COP1: variants seen among roughly 807,000 people sequenced by gnomAD.
COP1 encodes E3 ubiquitin-protein ligase COP1.
A neutral mutation model predicts 101.3 loss-of-function variants in COP1; 24 were observed. The observed-to-expected ratio is 0.24, with a 90% CI of 0.17 to 0.33. The LOEUF (loss-of-function observed/expected upper bound fraction) is 0.33. Among genes scored for constraint, COP1 ranks in the 10% least tolerant of loss-of-function variants. The pLI, the probability that COP1 is intolerant of heterozygous loss-of-function variation, is 1.00. For missense variants in COP1, 663 were observed against 906.2 expected (o/e 0.73, Z 3.45); for synonymous variants, 347 against 341.9 (o/e 1.01, Z -0.17).
chr1:176,035,710 C>CAAAAAAAAAAAAAAAAAAAAAAAGAAAA (rs71129541), intron 14 of COP1, among the ~76,000 whole-genome samples: 2 of 73,102 alleles, frequency 2.7e-5, no homozygotes, highest in African/African-American at 7.0e-5. Flanking sequence ...AAAACGAGAC[C>CAAAAAAAAAAAAAAAAAAAAAAAGAAAA]AAAAAAAAAA....
intron 5 of COP1, among the ~76,000 whole-genome samples, chr1:176,152,097 C>G (rs1692700403): frequency 6.6e-6 from 1 of 151,940 alleles, no homozygotes; most frequent in Admixed American, 6.6e-5. Flanking sequence ...TCAAGACCAG[C>G]CTGGGCAACA....
intron 15 of COP1, among the ~76,000 whole-genome samples, chr1:176,002,699 T>C (rs1662012812): frequency 6.7e-6 from 1 of 149,326 alleles, no homozygotes; most frequent in African/African-American, 2.5e-5. Flanking sequence ...TCATTTTTTA[T>C]GGCTGCATAG....
chr1:176,106,782 C>A (rs573894987), intron 9 of COP1, among the ~76,000 whole-genome samples: 1 of 152,320 alleles, frequency 6.6e-6, no homozygotes, highest in African/African-American at 2.4e-5. Flanking sequence ...AGCGGCTCTG[C>A]ATGAATTACT....
At chr1:175,950,398 A>G (rs986945322) in intron 18 of COP1, among the ~76,000 whole-genome samples, 1 of 152,200 alleles carries the variant, frequency 6.6e-6, no homozygotes, top group African/African-American at 2.4e-5. Context: ...GGCTTAAGAT[A>G]AATTATTTTT....
intron 14 of COP1, among the ~76,000 whole-genome samples, chr1:176,042,745 A>G (rs1008340010): frequency 8.0e-5 from 12 of 149,324 alleles, no homozygotes; most frequent in Non-Finnish European, 1.6e-4. Flanking sequence ...AAAAAAAAAA[A>G]AAAAAAAAGT....
In COP1 at chr1:175,987,110, A is replaced by G; in HGVS notation, c.1973-7T>C. ...AGAGAGTTATTTTCACTTCCTGAAA[A>G]CAAATAATAATAATAGTATTTTAGA... On this transcript the variant is annotated splice_polypyrimidine_tract_variant and splice_region_variant and intron_variant, in intron 17 of 19. Transcript: ENST00000367669. 7.4e-7 allele frequency: 1 copy of G among 1,357,178 alleles called. No individual in the cohort carries two copies. The allele number at this position is 1,357,178 out of a possible 1,614,324, so 84.1% of individuals were successfully genotyped here.
intron 5 of COP1, among the ~76,000 whole-genome samples, chr1:176,156,402 T>C (rs143283667): frequency 1.3e-5 from 2 of 151,710 alleles, no homozygotes; most frequent in African/African-American, 4.8e-5. Context: ...GAGGGAGAAA[T>C]GGAAAACAAA....
intron 2 of COP1, among the ~76,000 whole-genome samples, chr1:176,179,988 C>A (rs1371878913): frequency 6.6e-6 from 1 of 152,074 alleles, no homozygotes; most frequent in East Asian, 1.9e-4. Context: ...AAATTACATA[C>A]CACTGTATAC....
At chr1:176,164,946 G>A (rs758424464) in intron 3 of COP1, among the ~76,000 whole-genome samples, 1 of 152,034 alleles carries the variant, frequency 6.6e-6, no homozygotes, top group Non-Finnish European at 1.5e-5. Flanking sequence ...TTAGCACAGA[G>A]AGCATAAGTA....
intron 18 of COP1, among the ~76,000 whole-genome samples, chr1:175,972,292 A>G (rs182573723): frequency 1.2e-3 from 182 of 152,216 alleles, no homozygotes; most frequent in African/African-American, 4.3e-3. Context: ...ACTAATACAC[A>G]TGTTGAAACT....
At chr1:175,947,370 ATT>A (rs34272809) in intron 18 of COP1, 131 bp from the exon 19 acceptor site, 7,930 of 481,942 alleles carry the variant, frequency 0.016, 3 homozygotes, top group South Asian at 0.027. Flanking sequence ...TGAAGATACA[ATT>A]TTTTTTTTTT....
At chr1:176,112,207 T>C (rs200821265) in intron 9 of COP1, among the ~76,000 whole-genome samples, 144 of 150,704 alleles carry the variant, frequency 9.6e-4, no homozygotes, top group African/African-American at 3.4e-3. Context: ...AAGTAAGTGC[T>C]ACTCTAAAAT....
At chr1:176,002,855 C>A (rs1219522004) in intron 15 of COP1, among the ~76,000 whole-genome samples, 40 of 151,628 alleles carry the variant, frequency 2.6e-4, no homozygotes, top group Non-Finnish European at 5.2e-4. Flanking sequence ...GATTTATAGT[C>A]CTTTGGGTAT....
chr1:176,031,294 T>A (rs917827589), intron 14 of COP1, among the ~76,000 whole-genome samples: 1 of 152,178 alleles, frequency 6.6e-6, no homozygotes, highest in Non-Finnish European at 1.5e-5. Flanking sequence ...GATCGAAAGA[T>A]AAAATAGTAT....
At chr1:176,105,738 T>C (rs1572262918) in intron 9 of COP1, among the ~76,000 whole-genome samples, 1 of 152,196 alleles carries the variant, frequency 6.6e-6, no homozygotes, top group African/African-American at 2.4e-5. Flanking sequence ...GGGAGTTGTT[T>C]TGGCGCAAAA....
chr1:175,957,074 A>G (rs1407233896), intron 18 of COP1, among the ~76,000 whole-genome samples: 1 of 152,176 alleles, frequency 6.6e-6, no homozygotes, highest in South Asian at 2.1e-4. Flanking sequence ...AGAGTCAAAA[A>G]GTGAAAAAAA....
At chr1:176,061,376 C>T (rs1029150477) in intron 11 of COP1, among the ~76,000 whole-genome samples, 7 of 152,228 alleles carry the variant, frequency 4.6e-5, no homozygotes, top group African/African-American at 1.7e-4. Context: ...GCCTGTAATC[C>T]CAGCACTTGG....
At chr1:176,128,675 A>G (rs192620156) in intron 8 of COP1, among the ~76,000 whole-genome samples, 10 of 152,124 alleles carry the variant, frequency 6.6e-5, no homozygotes, top group Non-Finnish European at 1.5e-5. Flanking sequence ...AGGTTTGAGA[A>G]AAAGTATTAA....
intron 18 of COP1, among the ~76,000 whole-genome samples, chr1:175,982,863 A>G (rs1571384713): frequency 1.3e-5 from 2 of 152,324 alleles, no homozygotes; most frequent in African/African-American, 4.8e-5. Context: ...GGTAGTTACC[A>G]GAGGTGGGGG....
Sources: allele counts gnomAD v4.1 joint callset (sites outside exome capture counted in the v4.1 genomes callset), GRCh38; gene constraint gnomAD v4.1.1; transcripts MANE v1.5; gene names NCBI Gene and HGNC (gene_info 2026-07-23, HGNC 2026-07-21).